STXBP5L: variants seen among roughly 807,000 people sequenced by gnomAD.
The protein encoded by STXBP5L is syntaxin binding protein 5L.
Under a neutral mutation model 144.5 loss-of-function variants are expected in STXBP5L, and 65 were observed. The ratio of observed to expected loss-of-function variants is 0.45; its 90% CI spans 0.37 to 0.55. The LOEUF is 0.55. STXBP5L is among the 20% of genes least tolerant of loss of function. STXBP5L has a pLI of 0.00. For synonymous variants in STXBP5L, 505 were observed against 469.6 expected (o/e 1.08, Z -0.97); for missense variants, 1,298 against 1,405.5 (o/e 0.92, Z 1.22).
At position 120,955,022 on chromosome 3, in the gene STXBP5L, C is replaced by G; in HGVS notation, c.272C>G (p.Thr91Arg). 1 of 1,612,264 alleles carries G rather than the reference C, an allele frequency of 6.2e-7. No individual in the cohort carries two copies. The highest frequency in any genetic ancestry group is 8.5e-7 in the Non-Finnish European group (1 of 1,178,894). Reference sequence around the variant, plus strand: ...AAAATCTTGGCTATTGGGACGAGAACAGGTGCTATACGAATGTATCCTTAA... The same window carrying G: ...AAAATCTTGGCTATTGGGACGAGAAGAGGTGCTATACGAATGTATCCTTAA... ...VQKILAIGTR[T>R]GAIRILGRPG... Residue 91 changes from threonine (T) to arginine (R), a missense_variant, in exon 3 of 27, where the codon ACA (threonine) becomes AGA (arginine). Transcript: ENST00000471454.
chr3:121,185,615 T>C (rs1045411190), intron 9 of STXBP5L, among the ~76,000 whole-genome samples: 7 of 152,150 alleles, frequency 4.6e-5, no homozygotes, highest in Non-Finnish European at 1.0e-4. Context: ...TGTAGATATG[T>C]GGTATTATTT....
intron 20 of STXBP5L, among the ~76,000 whole-genome samples, chr3:121,341,079 A>G (rs1028605579): frequency 3.3e-5 from 5 of 152,190 alleles, no homozygotes; most frequent in Non-Finnish European, 1.5e-5. Flanking sequence ...GATAACCCAC[A>G]GAATGGGAGA....
intron 20 of STXBP5L, among the ~76,000 whole-genome samples, chr3:121,356,074 C>G (rs1237655666): frequency 2.0e-5 from 3 of 152,188 alleles, no homozygotes; most frequent in Non-Finnish European, 4.4e-5. Context: ...CTTCGCCCCA[C>G]AGGGGCACCC....
intron 8 of STXBP5L, 21 bp from the exon 9 acceptor site, chr3:121,157,483 T>C: frequency 6.4e-7 from 1 of 1,555,210 alleles, no homozygotes; most frequent in Non-Finnish European, 8.6e-7. Context: ...CCTCTACTTG[T>C]TTTAATTGTT....
chr3:121,333,902 G>T (rs1403438940), intron 20 of STXBP5L, among the ~76,000 whole-genome samples: 1 of 151,982 alleles, frequency 6.6e-6, no homozygotes, highest in Non-Finnish European at 1.5e-5. Context: ...GATATGGTTT[G>T]GCTGTGTCCC....
At chr3:121,403,409 A>G (rs748393463) in intron 22 of STXBP5L, among the ~76,000 whole-genome samples, 1 of 152,098 alleles carries the variant, frequency 6.6e-6, no homozygotes, top group Non-Finnish European at 1.5e-5. Context: ...CCACTTATAT[A>G]CTAGACTTTA....
At chr3:121,185,290 T>C (rs893696545) in intron 9 of STXBP5L, among the ~76,000 whole-genome samples, 1 of 152,230 alleles carries the variant, frequency 6.6e-6, no homozygotes, top group Non-Finnish European at 1.5e-5. Flanking sequence ...GTGCAAAAGC[T>C]CTTTAGTTTA....
intron 3 of STXBP5L, among the ~76,000 whole-genome samples, chr3:120,989,181 C>T (rs563966463): frequency 1.3e-5 from 2 of 152,134 alleles, no homozygotes; most frequent in South Asian, 2.1e-4. Context: ...GGTAGGTACC[C>T]AGTAGTGGGA....
intron 5 of STXBP5L, among the ~76,000 whole-genome samples, chr3:121,093,049 G>T (rs1424115067): frequency 6.6e-6 from 1 of 152,038 alleles, no homozygotes; most frequent in Non-Finnish European, 1.5e-5. Context: ...TTTGCCTTTG[G>T]TTCTGTTTAT....
At chr3:120,954,081 A>C (rs1937749944) in intron 2 of STXBP5L, among the ~76,000 whole-genome samples, 1 of 152,142 alleles carries the variant, frequency 6.6e-6, no homozygotes, top group Admixed American at 6.6e-5. Flanking sequence ...GTATCTATCT[A>C]TCCATCTGTC....
intron 23 of STXBP5L, among the ~76,000 whole-genome samples, chr3:121,410,511 C>T (rs1421894783): frequency 6.6e-6 from 1 of 151,956 alleles, no homozygotes; most frequent in Non-Finnish European, 1.5e-5. Context: ...CATTCATTTT[C>T]CCATACTGAG....
chr3:121,418,451 G>T lies in STXBP5L; in HGVS notation c.3341G>T (p.Arg1114Leu). Residue 1114 changes from arginine to leucine, a missense_variant, in exon 26 of 27, where the codon CGT (arginine) becomes CTT (leucine). Transcript: ENST00000471454. Reference protein sequence around the residue: ...AAGGVMGELTRARIALDERGQ... With the variant: ...AAGGVMGELTLARIALDERGQ... Reference sequence around the variant, plus strand: ...GGAGGGGTGATGGGAGAGCTGACCCGTGCACGGATTGCACTTGATGAAAGA... The same window carrying T: ...GGAGGGGTGATGGGAGAGCTGACCCTTGCACGGATTGCACTTGATGAAAGA... 2 of 1,614,052 alleles carry T rather than the reference G, an allele frequency of 1.2e-6. No homozygotes were observed. The highest frequency in any genetic ancestry group is 1.7e-6 in the Non-Finnish European group (2 of 1,179,970).
intron 22 of STXBP5L, among the ~76,000 whole-genome samples, chr3:121,397,670 A>G (rs2108724739): frequency 6.6e-6 from 1 of 152,244 alleles, no homozygotes; most frequent in Middle Eastern, 3.4e-3. Flanking sequence ...CATGCATTAT[A>G]TGTTGACTTT....
At chr3:121,181,717 G>T (rs1025876649) in intron 9 of STXBP5L, among the ~76,000 whole-genome samples, 1 of 152,028 alleles carries the variant, frequency 6.6e-6, no homozygotes, top group Non-Finnish European at 1.5e-5. Context: ...CAGCCTGGGC[G>T]ATAGAATGAG....
intron 7 of STXBP5L, among the ~76,000 whole-genome samples, chr3:121,131,952 A>G (rs2107898958): frequency 6.6e-6 from 1 of 152,220 alleles, no homozygotes; most frequent in South Asian, 2.1e-4. Flanking sequence ...CTTACCAGAA[A>G]CCTTGCTCCT....
Position 121,419,207 on chromosome 3 carries a change from AT to A in STXBP5L, c.*113del. 1 of 1,057,198 alleles carries A rather than the reference AT, an allele frequency of 9.5e-7. No individual in the cohort carries two copies. Among genetic ancestry groups the A allele is most frequent in the Non-Finnish European group, 1.4e-6 (1 of 732,446 alleles). The allele number at this position is 1,057,198 out of a possible 1,614,324, so 65.5% of individuals were successfully genotyped here. A position where few individuals can be genotyped will look rare whatever the true frequency, so the allele number is the denominator to read the frequency against. On this transcript the variant is annotated 3_prime_UTR_variant, in exon 27 of 27. Transcript: ENST00000471454. ...GCCAGTTTCTTCTACAAAATGTTCC[AT>A]TTACAGTCAATCTGAAATTTTCATA...
At chr3:121,070,427 T>G (rs2041756059) in intron 5 of STXBP5L, among the ~76,000 whole-genome samples, 1 of 152,218 alleles carries the variant, frequency 6.6e-6, no homozygotes, top group Non-Finnish European at 1.5e-5. Context: ...TAGTATTCCT[T>G]TTTAACTTGA....
chr3:121,029,301 C>G (rs1485552924), intron 3 of STXBP5L, among the ~76,000 whole-genome samples: 4 of 152,054 alleles, frequency 2.6e-5, no homozygotes, highest in African/African-American at 7.2e-5. Flanking sequence ...TTACAGTAAC[C>G]AAAACAGCAT....
intron 19 of STXBP5L, among the ~76,000 whole-genome samples, chr3:121,292,353 C>T (rs886703489): frequency 2.6e-5 from 4 of 152,178 alleles, no homozygotes; most frequent in Non-Finnish European, 5.9e-5. Flanking sequence ...CCATCTTTCT[C>T]CTGCAAGAAT....
Sources: allele counts gnomAD v4.1 joint callset (sites outside exome capture counted in the v4.1 genomes callset), GRCh38; gene constraint gnomAD v4.1.1; transcripts MANE v1.5; gene names NCBI Gene and HGNC (gene_info 2026-07-23, HGNC 2026-07-21).